Variants in UBE2W observed in about 807,000 individuals in gnomAD.
UBE2W encodes ubiquitin-conjugating enzyme E2 W.
In UBE2W, 18 loss-of-function variants were observed where a neutral mutation model predicts 27.2. The ratio of observed to expected loss-of-function variants is 0.66; its 90% CI spans 0.46 to 0.98. The LOEUF (loss-of-function observed/expected upper bound fraction) is 0.98, where lower values mean the gene tolerates loss of function less well. Among genes scored for constraint, UBE2W ranks in the 50% least tolerant of loss-of-function variants. UBE2W has a pLI of 0.00. For missense variants in UBE2W, 90 were observed against 180.2 expected (o/e 0.50, Z 2.87); for synonymous variants, 53 against 57.2 (o/e 0.93, Z 0.33).
At chr8:73,844,972 G>A (rs1231012620) in intron 1 of UBE2W, among the ~76,000 whole-genome samples, 3 of 151,830 alleles carry the variant, frequency 2.0e-5, no homozygotes, top group South Asian at 2.1e-4. Flanking sequence ...TCTGGGAAGC[G>A]AGGAGCGTCT....
chr8:73,856,767 G>A lies in UBE2W; in HGVS notation c.15+22041C>T, dbSNP rs557553879. Among the ~76,000 whole-genome samples the A allele has an allele frequency of 4.0e-5, 6 of 151,628 alleles. No homozygotes were observed. The East Asian group carries it at 9.7e-4, about 25-fold the overall frequency. On this transcript the variant is annotated intron_variant, in intron 1 of 5. Transcript: ENST00000602593. ...ATTGTCCAGACTGGAGTGCAGTGGT[G>A]TGATCTCGGCTCACTGCAGCCTCCG...
chr8:73,786,684 G>A lies in UBE2W; in HGVS notation c.*7418C>T, dbSNP rs535448944. ...TACTGCTTATGAAACAAGGTTTGTGGACAGCTGAAGAGCAGCCTAGGGACA... is the reference window on the plus strand; with the variant it reads ...TACTGCTTATGAAACAAGGTTTGTGAACAGCTGAAGAGCAGCCTAGGGACA... On this transcript the variant is annotated 3_prime_UTR_variant, in exon 6 of 6. Coordinates refer to ENST00000602593, the MANE Select transcript of UBE2W (RefSeq NM_018299.6). 31 of 985,336 alleles carry A rather than the reference G, an allele frequency of 3.1e-5. No individual in the cohort carries two copies. The highest frequency in any genetic ancestry group is 3.7e-5 in the Non-Finnish European group (31 of 829,958). The allele number at this position is 985,336 out of a possible 1,614,324, so 61.0% of individuals were successfully genotyped here. A position where few individuals can be genotyped will look rare whatever the true frequency, so the allele number is the denominator to read the frequency against.
In UBE2W at chr8:73,820,365, A is replaced by G. The variant is rs569032233; in HGVS notation, c.210+4782T>C. ...AAAATTTTAACGTATTACTGGCCTC[A>G]GAGTAGTTCTGCCATTTTCCCAATC... On this transcript the variant is annotated intron_variant, in intron 3 of 5. Coordinates refer to ENST00000602593, the MANE Select transcript of UBE2W (RefSeq NM_018299.6). Among the ~76,000 whole-genome samples the G allele has an allele frequency of 3.9e-5, 6 of 152,314 alleles. No individual in the cohort carries two copies. In the East Asian group the frequency reaches 1.2e-3, roughly 29 times the overall value.
rs958049108 is a variant in UBE2W at position 73,788,236 on chromosome 8, T to C, written c.*5866A>G. The C allele has an allele frequency of 1.6e-5, 15 of 946,106 alleles. No homozygotes were observed. The African/African-American group carries it at 2.7e-4, about 17-fold the overall frequency. 58.6% of individuals were successfully genotyped at this position (946,106 alleles called of 1,614,324 possible). On this transcript the variant is annotated 3_prime_UTR_variant, in exon 6 of 6. Transcript: ENST00000602593. ...TGTATTAAAAAATATATAACATAGA[T>C]TTGTCTGTTTTAACATTTATATTCT...
intron 3 of UBE2W, among the ~76,000 whole-genome samples, chr8:73,822,804 A>T (rs1436482940): frequency 6.6e-6 from 1 of 150,420 alleles, no homozygotes; most frequent in African/African-American, 2.5e-5. Flanking sequence ...AAACAAAAAC[A>T]AACAAACAAA....
chr8:73,871,237 G>C (rs1242914776), intron 1 of UBE2W, among the ~76,000 whole-genome samples: 1 of 152,184 alleles, frequency 6.6e-6, no homozygotes, highest in Non-Finnish European at 1.5e-5. Flanking sequence ...AGAGCAGATA[G>C]AAATTTGCTA....
chr8:73,794,088 T>G lies in UBE2W; in HGVS notation c.*14A>C, dbSNP rs370067899. 51 of 1,613,412 alleles carry G rather than the reference T, an allele frequency of 3.2e-5. No homozygotes were observed. The African/African-American group carries it at 5.2e-4, about 16-fold the overall frequency. ...GTAGGACTATCTTCTGCTAGGAGGA[T>G]GATAACAGTGGCATCAACAAGTATC... is the stretch of plus-strand genomic sequence containing the variant. On this transcript the variant is annotated 3_prime_UTR_variant, in exon 6 of 6. Coordinates refer to ENST00000602593, the MANE Select transcript of UBE2W (RefSeq NM_018299.6).
intron 2 of UBE2W, among the ~76,000 whole-genome samples, 192 bp from the exon 3 acceptor site, chr8:73,825,441 G>T (rs1809796913): frequency 6.6e-6 from 1 of 152,126 alleles, no homozygotes; most frequent in East Asian, 1.9e-4. Context: ...CTGACACTCA[G>T]CGGTGAAATA....
intron 1 of UBE2W, among the ~76,000 whole-genome samples, chr8:73,843,719 G>C (rs191756033): frequency 2.1e-4 from 28 of 131,420 alleles, no homozygotes; most frequent in African/African-American, 6.3e-4. Flanking sequence ...ATGGCCTGAA[G>C]AAATTACCCA....
rs1313835322 is a variant in UBE2W at position 73,851,999 on chromosome 8, G to A, written c.16-21527C>T. Among the ~76,000 whole-genome samples the A allele has an allele frequency of 6.0e-5, 9 of 149,646 alleles. No individual in the cohort carries two copies. The Admixed American group carries it at 6.0e-4, about 10-fold the overall frequency. ...AAAAAGGAAAGAGAAGGTGGAGGAA[G>A]GGAAGACAAAAATGAAGGGGGAAGG... is the stretch of plus-strand genomic sequence containing the variant. On this transcript the variant is annotated intron_variant, in intron 1 of 5. Coordinates refer to ENST00000602593, the MANE Select transcript of UBE2W (RefSeq NM_018299.6).
At chr8:73,869,863 C>T (rs1006340617) in intron 1 of UBE2W, among the ~76,000 whole-genome samples, 1 of 151,720 alleles carries the variant, frequency 6.6e-6, no homozygotes, top group South Asian at 2.1e-4. Flanking sequence ...CCCTGTCTCA[C>T]CTGTCTCAAA....
At chr8:73,841,447 A>C in intron 1 of UBE2W, among the ~76,000 whole-genome samples, 1 of 152,226 alleles carries the variant, frequency 6.6e-6, no homozygotes, top group South Asian at 2.1e-4. Context: ...TTTAAGCTAA[A>C]CTTTTTAAAA....
At chr8:73,818,132 T>G (rs558917796) in intron 3 of UBE2W, among the ~76,000 whole-genome samples, 1 of 152,190 alleles carries the variant, frequency 6.6e-6, no homozygotes, top group Non-Finnish European at 1.5e-5. Context: ...TGCTTTCCCT[T>G]TTGCCCCCAA....
At position 73,796,915 on chromosome 8, in the gene UBE2W, G is replaced by C. The variant is rs1054573224; in HGVS notation, c.443-2800C>G. 3.3e-5 allele frequency among the ~76,000 whole-genome samples: 5 copies of C among 151,480 alleles called. No homozygotes were observed. In the East Asian group the frequency reaches 9.7e-4, roughly 29 times the overall value. ...AATAAATAAAAAATAAAAAAAATCAGAGTAACCCATTTTGGGTCAAGACAA... is the reference window on the plus strand; with the variant it reads ...AATAAATAAAAAATAAAAAAAATCACAGTAACCCATTTTGGGTCAAGACAA... On this transcript the variant is annotated intron_variant, in intron 5 of 5. Transcript: ENST00000602593.
intron 1 of UBE2W, chr8:73,831,062 C>A (rs890473056): frequency 1.5e-5 from 3 of 193,760 alleles, no homozygotes; most frequent in East Asian, 1.4e-4. Flanking sequence ...CTCCACATCC[C>A]TTCCCTCATG....
At chr8:73,877,175 T>TA (rs1217777235) in intron 1 of UBE2W, among the ~76,000 whole-genome samples, 1 of 152,254 alleles carries the variant, frequency 6.6e-6, no homozygotes, top group Non-Finnish European at 1.5e-5. Context: ...AAACTTGTCA[T>TA]AAAAAATGTT....
chr8:73,834,688 T>C (rs1250696427), intron 1 of UBE2W, among the ~76,000 whole-genome samples: 1 of 152,136 alleles, frequency 6.6e-6, no homozygotes, highest in African/African-American at 2.4e-5. Context: ...GAGCATGTAA[T>C]GCCTGAGGTC....
At chr8:73,781,665 T>C (rs1215350192), downstream of UBE2W, among the ~76,000 whole-genome samples, 1 of 149,488 alleles carries the variant, frequency 6.7e-6, no homozygotes, top group Non-Finnish European at 1.5e-5. Context: ...CGTTCTGTCA[T>C]CCAGGCAGGA....
chr8:73,817,334 A>C (rs1441898593), intron 3 of UBE2W, among the ~76,000 whole-genome samples: 1 of 152,206 alleles, frequency 6.6e-6, no homozygotes, highest in African/African-American at 2.4e-5. Context: ...TCTCAAAAAT[A>C]ATAATGATAA....
Sources: allele counts gnomAD v4.1 joint callset (sites outside exome capture counted in the v4.1 genomes callset), GRCh38; gene constraint gnomAD v4.1.1; transcripts MANE v1.5; gene names NCBI Gene and HGNC (gene_info 2026-07-23, HGNC 2026-07-21).